The following SIRPD variants were observed in gnomAD, a reference collection of about 807,000 sequenced individuals.
The protein encoded by SIRPD is signal-regulatory protein delta.
SIRPD carries 21 observed loss-of-function variants against 18.0 expected under a neutral mutation model. The ratio of observed to expected loss-of-function variants is 1.17; its 90% CI spans 0.83 to 1.68. SIRPD has a LOEUF of 1.68. Ranked by LOEUF, SIRPD falls within the 40% of genes most tolerant of loss-of-function variation. The probability of loss-of-function intolerance (pLI) is 0.00; values close to 1 mark genes in which losing one functional copy is unlikely to be tolerated. For synonymous variants in SIRPD, 106 were observed against 92.9 expected (o/e 1.14, Z -0.81); for missense variants, 295 against 238.4 (o/e 1.24, Z -1.56).
intron 2 of SIRPD, among the ~76,000 whole-genome samples, chr20:1,545,831 C>A (rs534614501): frequency 1.3e-5 from 2 of 152,194 alleles, no homozygotes; most frequent in African/African-American, 4.8e-5. Context: ...GATGTTGATC[C>A]TGTTGCTTTC....
intron 2 of SIRPD, chr20:1,540,201 G>T: frequency 4.6e-6 from 2 of 433,326 alleles, no homozygotes; most frequent in Non-Finnish European, 4.6e-6. Context: ...AGGGATGCTG[G>T]CAGCAAACCA....
chr20:1,543,240 G>A (rs951781257), intron 2 of SIRPD, among the ~76,000 whole-genome samples: 17 of 152,114 alleles, frequency 1.1e-4, no homozygotes, highest in South Asian at 4.1e-4. Flanking sequence ...GGTAGAATTC[G>A]GCTGTGAATC....
intron 1 of SIRPD, 144 bp from the exon 2 acceptor site, chr20:1,552,182 G>A: frequency 1.5e-6 from 1 of 671,110 alleles, no homozygotes; most frequent in South Asian, 1.9e-5. Flanking sequence ...CTTTGCACAT[G>A]GAGGCAGCTT....
intron 2 of SIRPD, among the ~76,000 whole-genome samples, chr20:1,538,363 C>T (rs766575478): frequency 1.1e-4 from 17 of 152,180 alleles, no homozygotes; most frequent in Non-Finnish European, 2.2e-4. Context: ...GATTTCTTGA[C>T]AAGGAACTGG....
chr20:1,534,475 A>G (rs779763324), intron 3 of SIRPD, 34 bp from the exon 4 acceptor site: 1 of 1,580,446 alleles, frequency 6.3e-7, no homozygotes, highest in South Asian at 1.1e-5. Context: ...AAAATAAAAC[A>G]TTTCTCCCTC....
At chr20:1,540,331 A>G (rs756463282) in intron 2 of SIRPD, 19 of 455,934 alleles carry the variant, frequency 4.2e-5, no homozygotes, top group Non-Finnish European at 8.8e-6. Context: ...TAGAACTGTA[A>G]GAGACTAAAT....
chr20:1,546,378 A>G (rs1201463007), intron 2 of SIRPD, among the ~76,000 whole-genome samples: 5 of 152,184 alleles, frequency 3.3e-5, no homozygotes, highest in Admixed American at 2.0e-4. Flanking sequence ...TTAACTTAGC[A>G]TATGCTTTCA....
intron 1 of SIRPD, among the ~76,000 whole-genome samples, chr20:1,555,663 C>T (rs2091037292): frequency 6.6e-6 from 1 of 152,148 alleles, no homozygotes; most frequent in African/African-American, 2.4e-5. Context: ...AAGTTGTACA[C>T]CTTTAAAAAC....
intron 3 of SIRPD, among the ~76,000 whole-genome samples, chr20:1,536,513 G>T (rs193161873): frequency 8.1e-4 from 122 of 151,042 alleles, no homozygotes; most frequent in African/African-American, 2.9e-3. Flanking sequence ...TGACTGTGCA[G>T]ATCATCTTTG....
chr20:1,548,113 G>A (rs1345528123), intron 2 of SIRPD, among the ~76,000 whole-genome samples: 2 of 152,160 alleles, frequency 1.3e-5, no homozygotes, highest in African/African-American at 2.4e-5. Context: ...ACAACGTTGA[G>A]TAGAAATGGT....
chr20:1,552,119 A>G, intron 1 of SIRPD, 81 bp from the exon 2 acceptor site: 3 of 1,195,578 alleles, frequency 2.5e-6, no homozygotes, highest in Non-Finnish European at 2.4e-6. Flanking sequence ...GGCCTCATTC[A>G]TTAATTCTTT....
intron 1 of SIRPD, among the ~76,000 whole-genome samples, chr20:1,556,065 G>A (rs1425056077): frequency 6.6e-6 from 1 of 152,152 alleles, no homozygotes; most frequent in East Asian, 1.9e-4. Flanking sequence ...TTGCAACATG[G>A]CTCCTTGCTT....
chr20:1,540,870 A>G (rs2090968075), intron 2 of SIRPD, among the ~76,000 whole-genome samples: 1 of 152,126 alleles, frequency 6.6e-6, no homozygotes, highest in Non-Finnish European at 1.5e-5. Context: ...ACTCCCACTT[A>G]TAAGTGAGAA....
At chr20:1,556,225 T>C (rs2123159350) in intron 1 of SIRPD, among the ~76,000 whole-genome samples, 1 of 152,330 alleles carries the variant, frequency 6.6e-6, no homozygotes, top group South Asian at 2.1e-4. Flanking sequence ...GGTGGGATAG[T>C]TGGGAGTCAC....
intron 3 of SIRPD, 143 bp downstream of exon 3, chr20:1,537,012 G>T: frequency 1.2e-6 from 1 of 866,558 alleles, no homozygotes; most frequent in South Asian, 1.7e-5. Flanking sequence ...TTAGGGAAGT[G>T]TCTTAAAGAG....
At chr20:1,541,958 G>T (rs551440213) in intron 2 of SIRPD, among the ~76,000 whole-genome samples, 68 of 152,064 alleles carry the variant, frequency 4.5e-4, no homozygotes, top group Non-Finnish European at 9.4e-4. Flanking sequence ...TAGATGTGTG[G>T]TGTTATTTCT....
In SIRPD at chr20:1,534,395, A is replaced by G. The variant is rs1273449721; in HGVS notation, c.*30T>C. 1.7e-5 allele frequency: 28 copies of G among 1,611,928 alleles called. No homozygotes were observed. The highest frequency in any genetic ancestry group is 2.3e-5 in the Non-Finnish European group (27 of 1,179,680). The stretch of plus-strand genomic sequence containing the variant: ...TCAGAAGAGTATGGGGGCTTTTGTT[A>G]TTTACTTGTACGTTCCTTCCCTGTT... On this transcript the variant is annotated 3_prime_UTR_variant, in exon 4 of 4. Coordinates refer to ENST00000381623, the MANE Select transcript of SIRPD (RefSeq NM_178460.3).
At chr20:1,556,060 A>G (rs888950115) in intron 1 of SIRPD, among the ~76,000 whole-genome samples, 1 of 152,220 alleles carries the variant, frequency 6.6e-6, no homozygotes, top group Non-Finnish European at 1.5e-5. Context: ...GCAGTTTGCA[A>G]CATGGCTCCT....
At chr20:1,545,279 A>G (rs1336176511) in intron 2 of SIRPD, among the ~76,000 whole-genome samples, 1 of 152,148 alleles carries the variant, frequency 6.6e-6, no homozygotes, top group South Asian at 2.1e-4. Flanking sequence ...TCTTTTCAAC[A>G]TAGTCCCATA....
Sources: allele counts gnomAD v4.1 joint callset (sites outside exome capture counted in the v4.1 genomes callset), GRCh38; gene constraint gnomAD v4.1.1; transcripts MANE v1.5; gene names NCBI Gene and HGNC (gene_info 2026-07-23, HGNC 2026-07-21).